The following HNRNPUL1 variants were observed in gnomAD, a reference collection of about 807,000 sequenced individuals.
HNRNPUL1 encodes the protein heterogeneous nuclear ribonucleoprotein U-like protein 1.
Under a neutral mutation model 108.5 loss-of-function variants are expected in HNRNPUL1, and 14 were observed. The ratio of observed to expected loss-of-function variants is 0.13; its 90% CI spans 0.09 to 0.20. The LOEUF (loss-of-function observed/expected upper bound fraction) is 0.20, where lower values mean the gene tolerates loss of function less well. Ranked by LOEUF, HNRNPUL1 falls within the 10% of genes least tolerant of loss-of-function variation. The pLI is 1.00. For synonymous variants in HNRNPUL1, 422 were observed against 445.2 expected (o/e 0.95, Z 0.66); for missense variants, 804 against 1,168.3 (o/e 0.69, Z 4.55).
At chr19:41,290,127 G>C (rs1431024411) in intron 7 of HNRNPUL1, among the ~76,000 whole-genome samples, 1 of 152,138 alleles carries the variant, frequency 6.6e-6, no homozygotes, top group African/African-American at 2.4e-5. Context: ...CCTCAAGGGA[G>C]GGTGCTTCTG....
chr19:41,301,741 A>G (rs1363508210), intron 11 of HNRNPUL1, 37 bp downstream of exon 11: 2 of 1,538,216 alleles, frequency 1.3e-6, no homozygotes, highest in Non-Finnish European at 1.8e-6. Flanking sequence ...ACGTCAATGC[A>G]GGGTCCTGGA....
At chr19:41,297,873 C>G (rs1176051929) in intron 10 of HNRNPUL1, among the ~76,000 whole-genome samples, 1 of 152,196 alleles carries the variant, frequency 6.6e-6, no homozygotes, top group Non-Finnish European at 1.5e-5. Flanking sequence ...CCACCGTAAC[C>G]TGTGTCTTAT....
At chr19:41,263,783 G>A (rs2034633741), upstream of HNRNPUL1, among the ~76,000 whole-genome samples, 1 of 152,192 alleles carries the variant, frequency 6.6e-6, no homozygotes, top group African/African-American at 2.4e-5. Flanking sequence ...GCTTTAGTGA[G>A]CTAAGACAAT....
rs2037408362 is a variant in HNRNPUL1, at chr19:41,304,184, T to C, written c.2185T>C (p.Tyr729His). The change falls in exon 13 of 15, where the codon TAC (tyrosine) becomes CAC (histidine). Residue 729 changes from tyrosine to histidine, a missense_variant. Physicochemically the swap from Tyr to His is moderately conservative, Grantham distance 83. Around this residue, in one of 4 missense-constraint regions of HNRNPUL1, gnomAD observed 294 missense variants for 388.3 expected, o/e 0.76. Coordinates refer to ENST00000392006, the MANE Select transcript of HNRNPUL1 (RefSeq NM_007040.6). ...TCGGAACCCCCCAGGGGCCAGCACCTACAATAAGAACAGCAACATCCCTGG... is the reference window on the plus strand; with the variant it reads ...TCGGAACCCCCCAGGGGCCAGCACCCACAATAAGAACAGCAACATCCCTGG... ...PARNPPGAST[Y>H]NKNSNIPGSS... 6.2e-7 allele frequency: 1 copy of C among 1,614,122 alleles called. No homozygotes were observed. Among genetic ancestry groups the C allele is most frequent in the Non-Finnish European group, 8.5e-7 (1 of 1,180,020 alleles).
At chr19:41,270,412 T>C (rs1319162375) in intron 2 of HNRNPUL1, among the ~76,000 whole-genome samples, 1 of 152,164 alleles carries the variant, frequency 6.6e-6, no homozygotes, top group East Asian at 1.9e-4. Context: ...AAAAAAATTT[T>C]TTTTTTAATT....
rs937393270 is a variant in HNRNPUL1, at chr19:41,294,132, A to T, written c.1267-206A>T. ...CTGGCCAGCACTTGACTTAATGCTC[A>T]CCCTGTCCCAGGCACTGTGCTCAGA... On this transcript the variant is annotated intron_variant, in intron 8 of 14. Coordinates refer to ENST00000392006, the MANE Select transcript of HNRNPUL1 (RefSeq NM_007040.6). This position sits in a 1 kb window ranked among gnomAD's most constrained non-coding sequence, Gnocchi z 4.3. Among the ~76,000 whole-genome samples the T allele has an allele frequency of 4.6e-5, 7 of 152,044 alleles. No homozygotes were observed. The highest frequency in any genetic ancestry group is 7.4e-5 in the Non-Finnish European group (5 of 68,010).
rs374187073 is a variant in HNRNPUL1, at chr19:41,289,881, T to G, written c.1000-2364T>G. ...GCACTCGCCACCATGACCAGCTAAT[T>G]TTTGTATGTTTAGTAGAGACGGAGT... On this transcript the variant is annotated intron_variant, in intron 7 of 14. Transcript: ENST00000392006. Among the ~76,000 whole-genome samples, 112 of 152,012 alleles carry G rather than the reference T, an allele frequency of 7.4e-4. No homozygotes were observed. In the East Asian group the frequency reaches 0.019, roughly 26 times the overall value.
At position 41,268,361 on chromosome 19, in the gene HNRNPUL1, T is replaced by A. The variant is rs373327005; in HGVS notation, c.418+16T>A. 8.1e-6 allele frequency: 13 copies of A among 1,612,158 alleles called. No individual in the cohort carries two copies. Among genetic ancestry groups the A allele is most frequent in the Admixed American group, 3.4e-5 (2 of 59,696 alleles). On this transcript the variant is annotated intron_variant, in intron 2 of 14. Coordinates refer to ENST00000392006, the MANE Select transcript of HNRNPUL1 (RefSeq NM_007040.6). Reference sequence around the variant, plus strand: ...TATCGTCCAGGTAGGAAAATACACATGGTTCATCTCTTTGGATGGAAACAA... The same window carrying A: ...TATCGTCCAGGTAGGAAAATACACAAGGTTCATCTCTTTGGATGGAAACAA...
chr19:41,292,382 G>A lies in HNRNPUL1; in HGVS notation c.1137G>A (p.Val379=), dbSNP rs1233130043. ...ATGTCCTGGTGAAGAATTGCGCAGT[G>A]GAGTTCAACTTCGGACAGAGAGCAG... is the stretch of plus-strand genomic sequence containing the variant. ...YPHVLVKNCA[V]EFNFGQRAEP... Residue 379 remains valine, a synonymous_variant, in exon 8 of 15, where the codon GTG becomes GTA. Transcript: ENST00000392006. The surrounding 1 kb of genome is among the most constrained non-coding windows in gnomAD (Gnocchi z 4.1). 1.1e-5 allele frequency: 17 copies of A among 1,614,088 alleles called. No homozygotes were observed. The Admixed American group carries it at 1.3e-4, about 13-fold the overall frequency.
At chr19:41,282,990 G>A (rs188746105) in intron 7 of HNRNPUL1, among the ~76,000 whole-genome samples, 96 of 152,196 alleles carry the variant, frequency 6.3e-4, no homozygotes, top group African/African-American at 2.1e-3. Context: ...CACCGCGCCC[G>A]GCCATTTTTT....
intron 7 of HNRNPUL1, among the ~76,000 whole-genome samples, chr19:41,281,645 A>G (rs1266737157): frequency 6.6e-6 from 1 of 152,116 alleles, no homozygotes; most frequent in African/African-American, 2.4e-5. Flanking sequence ...CTCTTGCCCC[A>G]TGTTGGCATC....
intron 1 of HNRNPUL1, chr19:41,265,146 T>G: frequency 7.1e-7 from 1 of 1,403,774 alleles, no homozygotes; most frequent in Non-Finnish European, 9.2e-7. Context: ...TTGGGGAGGG[T>G]CTCGAAAATG....
In HNRNPUL1 at chr19:41,292,660, A is replaced by G; in HGVS notation, c.1266+149A>G. On this transcript the variant is annotated intron_variant, in intron 8 of 14. Coordinates refer to ENST00000392006, the MANE Select transcript of HNRNPUL1 (RefSeq NM_007040.6). This position sits in a 1 kb window ranked among gnomAD's most constrained non-coding sequence, Gnocchi z 4.1. The stretch of plus-strand genomic sequence containing the variant: ...TCCTCAGGGTTGGACTCAGAGCTGA[A>G]AAGCTGCTCTGAGTGTGAGGTGAGG... 1.0e-6 allele frequency: 1 copy of G among 952,502 alleles called. No homozygotes were observed. Among genetic ancestry groups the G allele is most frequent in the Non-Finnish European group, 1.6e-6 (1 of 626,056 alleles). 59.0% of individuals were successfully genotyped at this position (952,502 alleles called of 1,614,324 possible). A position where few individuals can be genotyped will look rare whatever the true frequency, so the allele number is the denominator to read the frequency against.
chr19:41,302,547 TC>T (rs2037290151), intron 11 of HNRNPUL1, 117 bp from the exon 12 acceptor site: 1 of 1,271,188 alleles, frequency 7.9e-7, no homozygotes. Context: ...TATTCACTAT[TC>T]CAGTTTTCTT....
intron 7 of HNRNPUL1, among the ~76,000 whole-genome samples, chr19:41,286,226 G>C (rs2036219291): frequency 6.6e-6 from 1 of 151,020 alleles, no homozygotes. Context: ...GGATCTGAGA[G>C]TTTTTTCAAA....
chr19:41,294,798 G>A lies in HNRNPUL1; in HGVS notation c.1518+112G>A. On this transcript the variant is annotated intron_variant, in intron 10 of 14. Coordinates refer to ENST00000392006, the MANE Select transcript of HNRNPUL1 (RefSeq NM_007040.6). The surrounding 1 kb of genome is among the most constrained non-coding windows in gnomAD (Gnocchi z 4.3). Reference sequence around the variant, plus strand: ...TCCCCCGTAATGATGATGGACTGCTGTGCTAGTCGGGGGGGTCAGACCTTG... The same window carrying A: ...TCCCCCGTAATGATGATGGACTGCTATGCTAGTCGGGGGGGTCAGACCTTG... 7.7e-7 allele frequency: 1 copy of A among 1,302,978 alleles called. No homozygotes were observed. The highest frequency in any genetic ancestry group is 1.1e-6 in the Non-Finnish European group (1 of 924,174). 80.7% of individuals were successfully genotyped at this position (1,302,978 alleles called of 1,614,324 possible). A position where few individuals can be genotyped will look rare whatever the true frequency, so the allele number is the denominator to read the frequency against.
intron 10 of HNRNPUL1, among the ~76,000 whole-genome samples, chr19:41,297,140 G>C (rs1005617722): frequency 1.3e-5 from 2 of 152,206 alleles, no homozygotes; most frequent in African/African-American, 4.8e-5. Context: ...AACATCAGAA[G>C]AGGAAAAAGA....
intron 7 of HNRNPUL1, chr19:41,291,988 AAAAAAC>A (rs1365941238): frequency 8.8e-5 from 40 of 453,028 alleles, no homozygotes; most frequent in Admixed American, 1.5e-4. Context: ...TCAAAAAAAA[AAAAAAC>A]AAAAAAAAAA....
rs1215283877 is a variant in HNRNPUL1 at position 41,281,221 on chromosome 19, G to C, written c.945G>C (p.Arg315=). 1 of 1,614,162 alleles carries C rather than the reference G, an allele frequency of 6.2e-7. No homozygotes were observed. The highest frequency in any genetic ancestry group is 1.7e-4 in the Middle Eastern group (1 of 6,056). ...CTGGGAAGAAGTCCACCAATAGCCG[G>C]TTTGAAAACTACGGAGACAAGTTTG... is the stretch of plus-strand genomic sequence containing the variant. ...GGTGKKSTNS[R]FENYGDKFAE... is the part of the protein sequence containing the mutation. Residue 315 remains arginine (R), a synonymous_variant, in exon 7 of 15, where the codon CGG becomes CGC. Transcript: ENST00000392006.
Sources: allele counts gnomAD v4.1 joint callset (sites outside exome capture counted in the v4.1 genomes callset), GRCh38; gene constraint gnomAD v4.1.1; regional missense constraint gnomAD v4.1.1; non-coding constraint Gnocchi (gnomAD v3.1); transcripts MANE v1.5; gene names NCBI Gene and HGNC (gene_info 2026-07-23, HGNC 2026-07-21).